Variants in PCBP3 observed in about 807,000 individuals in gnomAD.
The protein encoded by PCBP3 is poly(rC) binding protein 3.
In PCBP3, 25 loss-of-function variants were observed where a neutral mutation model predicts 52.7. That is an observed-to-expected ratio of 0.47 (90% CI 0.35 to 0.66). The LOEUF (loss-of-function observed/expected upper bound fraction) is 0.66, where lower values mean the gene tolerates loss of function less well. Ranked by LOEUF, PCBP3 falls within the 30% of genes least tolerant of loss-of-function variation. PCBP3 has a pLI of 0.01. For synonymous variants in PCBP3, 162 were observed against 183.0 expected (o/e 0.89, Z 0.93); for missense variants, 391 against 490.3 (o/e 0.80, Z 1.91).
chr21:45,698,630 A>G (rs894047780), intron 2 of PCBP3, among the ~76,000 whole-genome samples: 1 of 152,244 alleles, frequency 6.6e-6, no homozygotes, highest in Non-Finnish European at 1.5e-5. Flanking sequence ...TTGGCCAGGA[A>G]TGTGGGAGCC....
At chr21:45,856,104 C>T (rs2094284366) in intron 5 of PCBP3, among the ~76,000 whole-genome samples, 1 of 152,166 alleles carries the variant, frequency 6.6e-6, no homozygotes, top group Non-Finnish European at 1.5e-5. Context: ...GGAAAGTTTG[C>T]ATCTGTAAAG....
chr21:45,712,042 A>G (rs2083875848), intron 2 of PCBP3, among the ~76,000 whole-genome samples: 1 of 152,212 alleles, frequency 6.6e-6, no homozygotes. Flanking sequence ...CTTTAGTGGT[A>G]TGCATTTAAA....
intron 5 of PCBP3, among the ~76,000 whole-genome samples, chr21:45,879,480 G>A (rs1214822138): frequency 4.6e-5 from 7 of 152,164 alleles, no homozygotes; most frequent in South Asian, 2.1e-4. Context: ...TGGAGCTTCC[G>A]AGACCTGCAG....
intron 1 of PCBP3, among the ~76,000 whole-genome samples, chr21:45,653,852 A>G (rs190375400): frequency 2.7e-4 from 41 of 152,148 alleles, no homozygotes; most frequent in African/African-American, 8.4e-4. Context: ...TTTTGAAAAA[A>G]TCATTCCATT....
chr21:45,924,176 T>A (rs2074968586), intron 13 of PCBP3, among the ~76,000 whole-genome samples: 4 of 122,420 alleles, frequency 3.3e-5, no homozygotes, highest in African/African-American at 1.3e-4. Flanking sequence ...CTGGGAACAG[T>A]CGCGTGGGTA....
At chr21:45,935,357 A>T in intron 16 of PCBP3, 52 bp downstream of exon 16, 1 of 1,341,704 alleles carries the variant, frequency 7.5e-7, no homozygotes, top group Non-Finnish European at 1.1e-6. Context: ...ACCAGGCACA[A>T]GTGGCTGTCA....
chr21:45,778,911 G>C (rs1441463395), intron 4 of PCBP3, among the ~76,000 whole-genome samples: 1 of 152,166 alleles, frequency 6.6e-6, no homozygotes. Flanking sequence ...ACTGGAGCAG[G>C]TGGGTCCATC....
chr21:45,799,570 G>T (rs76545968), intron 4 of PCBP3, among the ~76,000 whole-genome samples: 2 of 152,108 alleles, frequency 1.3e-5, no homozygotes, highest in South Asian at 2.1e-4. Flanking sequence ...CTTGGATAAG[G>T]GGGGAGGGCT....
At chr21:45,839,870 AG>A (rs1160724708) in intron 4 of PCBP3, among the ~76,000 whole-genome samples, 7 of 151,952 alleles carry the variant, frequency 4.6e-5, no homozygotes, top group African/African-American at 1.7e-4. Flanking sequence ...TACTTTCAGT[AG>A]AGACGGGGTT....
chr21:45,757,971 C>T (rs1250374633), intron 4 of PCBP3, among the ~76,000 whole-genome samples: 1 of 152,076 alleles, frequency 6.6e-6, no homozygotes. Flanking sequence ...ACTGCAACCT[C>T]CACCTCCAGG....
chr21:45,646,977 C>T (rs970408875), intron 1 of PCBP3, among the ~76,000 whole-genome samples: 2 of 152,072 alleles, frequency 1.3e-5, no homozygotes, highest in Non-Finnish European at 2.9e-5. Context: ...TTGAGGACAT[C>T]TTTGTAAATC....
chr21:45,658,506 G>A (rs147159516), intron 1 of PCBP3, among the ~76,000 whole-genome samples: 6 of 152,312 alleles, frequency 3.9e-5, no homozygotes, highest in African/African-American at 9.6e-5. Context: ...GTCTTACCAT[G>A]TTGGCCAGGC....
intron 4 of PCBP3, among the ~76,000 whole-genome samples, chr21:45,785,905 G>A (rs2091113125): frequency 6.7e-6 from 1 of 150,256 alleles, no homozygotes; most frequent in South Asian, 2.1e-4. Context: ...GGTGCAAGAT[G>A]TGCTTTGTTA....
intron 2 of PCBP3, among the ~76,000 whole-genome samples, chr21:45,674,435 T>A (rs1402036920): frequency 6.6e-6 from 1 of 152,234 alleles, no homozygotes; most frequent in African/African-American, 2.4e-5. Context: ...TGATTCTGTC[T>A]GTACATTCTC....
chr21:45,727,308 C>T (rs1432936010), intron 2 of PCBP3, among the ~76,000 whole-genome samples: 1 of 152,154 alleles, frequency 6.6e-6, no homozygotes, highest in Non-Finnish European at 1.5e-5. Context: ...CATTAAGTTG[C>T]CTGGGAAGCT....
Position 45,913,998 on chromosome 21 carries a change from C to T in PCBP3, c.648C>T (p.Ser216=), listed in dbSNP as rs780201445. Residue 216 remains serine (S), a synonymous_variant, in exon 12 of 18, where the codon TCC becomes TCT. Coordinates refer to ENST00000681687, the MANE Select transcript of PCBP3 (RefSeq NM_001384156.1). ...TTCCCTACCGCCCAAAGCCCGCCTC[C>T]ACCCCTGTCATTTTTGCAGGTGGTC... ...ATIPYRPKPA[S]TPVIFAGGQA... The T allele has an allele frequency of 4.3e-6, 7 of 1,613,680 alleles. No homozygotes were observed. The highest frequency in any genetic ancestry group is 5.1e-6 in the Non-Finnish European group (6 of 1,179,916).
chr21:45,784,379 T>TCTACCTCTACCTCTACCG (rs1174758603), intron 4 of PCBP3, among the ~76,000 whole-genome samples: 12 of 147,582 alleles, frequency 8.1e-5, no homozygotes, highest in Admixed American at 8.0e-4. Context: ...TACCTCTACC[T>TCTACCTCTACCTCTACCG]CTACCTCTAC....
chr21:45,859,062 AC>A (rs1157486667), intron 5 of PCBP3: 1 of 152,252 alleles, frequency 6.6e-6, no homozygotes, highest in Non-Finnish European at 1.5e-5. Flanking sequence ...TGTCTGTATT[AC>A]CAGCGTGAGA....
At position 45,883,115 on chromosome 21, in the gene PCBP3, A is replaced by G. The variant is rs547659505; in HGVS notation, c.11-13093A>G. Among the ~76,000 whole-genome samples, 11 of 152,190 alleles carry G rather than the reference A, an allele frequency of 7.2e-5. No individual in the cohort carries two copies. In the South Asian group the frequency reaches 8.3e-4, roughly 11 times the overall value. On this transcript the variant is annotated intron_variant, in intron 5 of 17. Transcript: ENST00000681687. ...TGTGTTTTTATTTTCATTCAGGTCA[A>G]TGTGTTTTTTGATGTTCCTTGAGAT...
Sources: gnomAD v4.1 joint callset for allele counts (sites outside exome capture counted in the v4.1 genomes callset) on GRCh38, gnomAD v4.1.1 for gene constraint, MANE v1.5 for transcripts, NCBI Gene and HGNC (gene_info 2026-07-23, HGNC 2026-07-21) for gene names.